EYS: variants seen among roughly 807,000 people sequenced by gnomAD.
EYS encodes the protein protein eyes shut homolog.
In EYS, 250 loss-of-function variants were observed where a neutral mutation model predicts 282.1. The ratio of observed to expected loss-of-function variants is 0.89; its 90% confidence interval spans 0.80 to 0.98. The LOEUF (loss-of-function observed/expected upper bound fraction) is 0.98, where lower values mean the gene tolerates loss of function less well. Among genes scored for constraint, EYS ranks in the 50% least tolerant of loss-of-function variants. The probability of loss-of-function intolerance (pLI) is 0.00; values close to 1 mark genes in which losing one functional copy is unlikely to be tolerated. For missense variants in EYS, 4,016 were observed against 3,709.0 expected (o/e 1.08, Z -2.15); for synonymous variants, 1,355 against 1,282.9 (o/e 1.06, Z -1.20).
chr6:64,574,802 T>G (rs533969915), intron 26 of EYS, among the ~76,000 whole-genome samples: 39 of 152,202 alleles, frequency 2.6e-4, no homozygotes, highest in Non-Finnish European at 4.6e-4. Context: ...TTACAGCCCC[T>G]GTTGGTTTTA....
At chr6:64,105,496 A>G (rs1205715591) in intron 31 of EYS, among the ~76,000 whole-genome samples, 1 of 152,166 alleles carries the variant, frequency 6.6e-6, no homozygotes. Context: ...GGTATTGTAC[A>G]TTCTATGGGT....
chr6:65,475,160 T>C (rs1427833743), intron 5 of EYS, among the ~76,000 whole-genome samples: 1 of 152,030 alleles, frequency 6.6e-6, no homozygotes, highest in Non-Finnish European at 1.5e-5. Flanking sequence ...TATATATATA[T>C]AGCACTTAAT....
At chr6:64,302,275 G>GTA (rs1276924715) in intron 30 of EYS, among the ~76,000 whole-genome samples, 1 of 152,108 alleles carries the variant, frequency 6.6e-6, no homozygotes, top group Non-Finnish European at 1.5e-5. Context: ...GCTAAACAAA[G>GTA]TATCCTGCAA....
At chr6:63,952,033 T>TGA in intron 35 of EYS, among the ~76,000 whole-genome samples, 1 of 152,112 alleles carries the variant, frequency 6.6e-6, no homozygotes, top group Admixed American at 6.6e-5. Context: ...ACCTTCAAGG[T>TGA]GTACAATAAC....
At position 65,114,061 on chromosome 6, in the gene EYS, G is replaced by T. The variant is rs16880348; in HGVS notation, c.2024-56334C>A. ...ATCCACCAAATAGGGATAACAAAAC[G>T]TATGAGAAACAAATATAAGAATTAC... On this transcript the variant is annotated intron_variant, in intron 12 of 42. Transcript: ENST00000503581. Among the ~76,000 whole-genome samples the T allele has an allele frequency of 2.6e-5, 4 of 151,580 alleles. No individual in the cohort carries two copies. The East Asian group carries it at 7.8e-4, about 29-fold the overall frequency.
chr6:65,213,497 T>C (rs1253444857), intron 12 of EYS, among the ~76,000 whole-genome samples: 1 of 152,236 alleles, frequency 6.6e-6, no homozygotes, highest in Non-Finnish European at 1.5e-5. Context: ...GCTCACTTCA[T>C]GTCTCTGTGT....
chr6:64,570,232 A>T (rs1183663397), intron 26 of EYS, among the ~76,000 whole-genome samples: 1 of 152,210 alleles, frequency 6.6e-6, no homozygotes, highest in Non-Finnish European at 1.5e-5. Flanking sequence ...CTTTTCAGAC[A>T]AGCAAATGCT....
chr6:64,467,041 A>G (rs527914980), intron 26 of EYS, among the ~76,000 whole-genome samples: 1 of 152,288 alleles, frequency 6.6e-6, no homozygotes, highest in East Asian at 1.9e-4. Context: ...CTAAAACTTC[A>G]ATAGTCTAAT....
At chr6:64,902,556 A>T (rs1198384898) in intron 16 of EYS, 56 bp from the exon 17 acceptor site, 10 of 1,041,036 alleles carry the variant, frequency 9.6e-6, no homozygotes, top group African/African-American at 1.7e-5. Context: ...GAGTAAAAAA[A>T]TCAGAATCAG....
At chr6:65,225,789 T>A (rs1766609311) in intron 12 of EYS, among the ~76,000 whole-genome samples, 1 of 148,980 alleles carries the variant, frequency 6.7e-6, no homozygotes, top group Admixed American at 6.7e-5. Flanking sequence ...AAAAACTACA[T>A]GATCAACTCA....
At chr6:63,734,738 T>C (rs1768867130) in intron 41 of EYS, among the ~76,000 whole-genome samples, 1 of 152,058 alleles carries the variant, frequency 6.6e-6, no homozygotes, top group African/African-American at 2.4e-5. Flanking sequence ...GAGAAGCAGG[T>C]ATTTTGGAGA....
At chr6:65,390,662 T>A (rs954641166) in intron 7 of EYS, among the ~76,000 whole-genome samples, 4 of 151,940 alleles carry the variant, frequency 2.6e-5, no homozygotes, top group Admixed American at 1.3e-4. Context: ...GGCAGGAGGA[T>A]CGCTTGACTC....
chr6:63,849,916 C>G (rs1472070057), intron 36 of EYS, among the ~76,000 whole-genome samples: 1 of 152,054 alleles, frequency 6.6e-6, no homozygotes, highest in Admixed American at 6.6e-5. Context: ...TGCAAGGAAG[C>G]TAAGAACCTT....
intron 41 of EYS, among the ~76,000 whole-genome samples, chr6:63,747,059 T>A (rs1328201735): frequency 6.6e-6 from 1 of 152,256 alleles, no homozygotes; most frequent in Non-Finnish European, 1.5e-5. Context: ...CACTTTCTCC[T>A]GTGGGCATTT....
chr6:65,411,337 T>C (rs1767003770), intron 5 of EYS, among the ~76,000 whole-genome samples: 1 of 152,094 alleles, frequency 6.6e-6, no homozygotes, highest in African/African-American at 2.4e-5. Flanking sequence ...AAGTAATCCA[T>C]TGGGTAACAT....
intron 12 of EYS, among the ~76,000 whole-genome samples, chr6:65,233,541 T>A (rs997479362): frequency 5.3e-5 from 8 of 152,078 alleles, no homozygotes; most frequent in Non-Finnish European, 1.0e-4. Flanking sequence ...CCAGTTGGAG[T>A]TTTACCCTTT....
intron 13 of EYS, among the ~76,000 whole-genome samples, chr6:65,024,600 A>G (rs1387212555): frequency 7.4e-6 from 1 of 135,438 alleles, no homozygotes; most frequent in Non-Finnish European, 1.5e-5. Context: ...AAGATATTGT[A>G]GGCATTTTCA....
At chr6:65,050,010 T>A (rs1252903069) in intron 13 of EYS, among the ~76,000 whole-genome samples, 1 of 151,578 alleles carries the variant, frequency 6.6e-6, no homozygotes, top group Non-Finnish European at 1.5e-5. Flanking sequence ...AATGGAGCAG[T>A]CAATAGGTTA....
At chr6:64,061,405 CTGAAA>C (rs1423864453) in intron 33 of EYS, among the ~76,000 whole-genome samples, 1 of 152,184 alleles carries the variant, frequency 6.6e-6, no homozygotes, top group Non-Finnish European at 1.5e-5. Flanking sequence ...TCAAAATTCG[CTGAAA>C]TGAAAGACAA....
Sources: gnomAD v4.1 joint callset for allele counts (sites outside exome capture counted in the v4.1 genomes callset) on GRCh38, gnomAD v4.1.1 for gene constraint, MANE v1.5 for transcripts, NCBI Gene and HGNC (gene_info 2026-07-23, HGNC 2026-07-21) for gene names.